Variants in PTPRN2 observed in about 807,000 individuals in gnomAD.
PTPRN2 encodes protein tyrosine phosphatase receptor type N2.
In PTPRN2, 74 loss-of-function variants were observed where a neutral mutation model predicts 118.8. That is an observed-to-expected ratio of 0.62 (90% CI 0.52 to 0.76). The LOEUF (loss-of-function observed/expected upper bound fraction) is 0.76, where lower values mean the gene tolerates loss of function less well. Ranked by LOEUF, PTPRN2 falls within the 30% of genes least tolerant of loss-of-function variation. The pLI, the probability that PTPRN2 is intolerant of heterozygous loss-of-function variation, is 0.00. For missense variants in PTPRN2, 1,481 were observed against 1,394.4 expected (o/e 1.06, Z -0.99); for synonymous variants, 641 against 608.0 (o/e 1.05, Z -0.80).
At chr7:158,582,876 C>T (rs1280168738) in intron 1 of PTPRN2, among the ~76,000 whole-genome samples, 2 of 150,784 alleles carry the variant, frequency 1.3e-5, no homozygotes, top group Non-Finnish European at 2.9e-5. Context: ...AGATATCTGT[C>T]ACCCAATGCC....
Position 157,763,156 on chromosome 7 carries a change from C to A in PTPRN2, c.1789-80219G>T, listed in dbSNP as rs887799792. ...CACAGGGTTAACCCTCCATCAGAGCCCATGGCTGCCCACTCACAGGCACAG... is the reference window on the plus strand; with the variant it reads ...CACAGGGTTAACCCTCCATCAGAGCACATGGCTGCCCACTCACAGGCACAG... On this transcript the variant is annotated intron_variant, in intron 12 of 22. Transcript: ENST00000389418. The surrounding 1 kb of genome is among the most constrained non-coding windows in gnomAD (Gnocchi z 4.9). 6.6e-6 allele frequency among the ~76,000 whole-genome samples: 1 copy of A among 152,250 alleles called. No individual in the cohort carries two copies. The highest frequency in any genetic ancestry group is 1.5e-5 in the Non-Finnish European group (1 of 68,054).
chr7:158,454,569 G>C (rs1818330193), intron 2 of PTPRN2, among the ~76,000 whole-genome samples: 1 of 148,728 alleles, frequency 6.7e-6, no homozygotes, highest in African/African-American at 2.5e-5. Flanking sequence ...TCACTGATGT[G>C]AGGATTGGGG....
At chr7:158,151,373 C>G (rs1324368093) in intron 6 of PTPRN2, among the ~76,000 whole-genome samples, 1 of 115,650 alleles carries the variant, frequency 8.6e-6, no homozygotes, top group African/African-American at 3.7e-5. Context: ...TCCTGCCTCT[C>G]CCTGCCCACA....
intron 14 of PTPRN2, among the ~76,000 whole-genome samples, chr7:157,653,489 GC>G (rs1805815162): frequency 6.6e-6 from 1 of 152,154 alleles, no homozygotes; most frequent in Non-Finnish European, 1.5e-5. Context: ...GCTTTCTACA[GC>G]CTGTGTGTGC....
chr7:157,912,613 G>GT (rs1337504064), intron 11 of PTPRN2, among the ~76,000 whole-genome samples: 1 of 152,084 alleles, frequency 6.6e-6, no homozygotes, highest in Non-Finnish European at 1.5e-5. Context: ...ATACAACTCT[G>GT]TTTTTTTCCT....
At chr7:158,552,737 G>A (rs73730408) in intron 1 of PTPRN2, among the ~76,000 whole-genome samples, 4,712 of 152,274 alleles carry the variant, frequency 0.031, 251 homozygotes, top group African/African-American at 0.11. Context: ...GTGAGACACC[G>A]TGCATGGCCC....
intron 1 of PTPRN2, among the ~76,000 whole-genome samples, chr7:158,556,175 T>C (rs940515471): frequency 2.0e-5 from 3 of 152,208 alleles, no homozygotes; most frequent in Non-Finnish European, 4.4e-5. Context: ...GGGTGATTGA[T>C]AGGTGGATAT....
chr7:158,318,470 A>G (rs903524675), intron 2 of PTPRN2, among the ~76,000 whole-genome samples: 4 of 152,190 alleles, frequency 2.6e-5, no homozygotes, highest in Non-Finnish European at 5.9e-5. Context: ...GGGGCCCCAG[A>G]GGAGGGAGTG....
intron 12 of PTPRN2, among the ~76,000 whole-genome samples, chr7:157,713,027 A>G (rs1207770925): frequency 3.3e-5 from 5 of 152,214 alleles, no homozygotes; most frequent in African/African-American, 1.2e-4. Context: ...CAGCTCACAC[A>G]TGGGCCACAC....
chr7:157,938,909 G>C (rs551635569), intron 11 of PTPRN2, among the ~76,000 whole-genome samples: 9 of 152,344 alleles, frequency 5.9e-5, no homozygotes, highest in African/African-American at 1.9e-4. Context: ...CAGTGCTGAA[G>C]TAAGGAGTGG....
At chr7:157,660,900 G>A (rs10228501) in intron 13 of PTPRN2, among the ~76,000 whole-genome samples, 54,652 of 152,088 alleles carry the variant, frequency 0.36, 10,833 homozygotes, top group Non-Finnish European at 0.46. Context: ...AATTATAGGC[G>A]TGCACCACCA....
chr7:157,690,506 C>G lies in PTPRN2; in HGVS notation c.1789-7569G>C, dbSNP rs1345893960. On this transcript the variant is annotated intron_variant, in intron 12 of 22. Coordinates refer to ENST00000389418, the MANE Select transcript of PTPRN2 (RefSeq NM_002847.5). This position sits in a 1 kb window ranked among gnomAD's most constrained non-coding sequence, Gnocchi z 7.1. Reference sequence around the variant, plus strand: ...TCTCTCGCCTCTTCCAGGGCCCACCCAACCGCACTACGAGCGCCCGCGCCC... The same window carrying G: ...TCTCTCGCCTCTTCCAGGGCCCACCGAACCGCACTACGAGCGCCCGCGCCC... Among the ~76,000 whole-genome samples, 2 of 152,090 alleles carry G rather than the reference C, an allele frequency of 1.3e-5. No homozygotes were observed. The highest frequency in any genetic ancestry group is 2.4e-5 in the African/African-American group (1 of 41,436).
chr7:158,096,342 G>A (rs954056319), intron 10 of PTPRN2, among the ~76,000 whole-genome samples: 9 of 152,190 alleles, frequency 5.9e-5, no homozygotes, highest in African/African-American at 2.2e-4. Context: ...TCCTTGTGGG[G>A]AAACTGAGGC....
intron 11 of PTPRN2, among the ~76,000 whole-genome samples, chr7:158,056,447 A>G (rs999732864): frequency 6.6e-6 from 1 of 152,226 alleles, no homozygotes; most frequent in Non-Finnish European, 1.5e-5. Flanking sequence ...TGGGAAAAAC[A>G]CATTTGTAAA....
chr7:158,183,788 G>A (rs1346100730), intron 5 of PTPRN2, among the ~76,000 whole-genome samples: 4 of 152,112 alleles, frequency 2.6e-5, no homozygotes, highest in African/African-American at 7.2e-5. Flanking sequence ...CACAGTGTAG[G>A]CTGCAGCCTG....
At position 157,991,895 on chromosome 7, in the gene PTPRN2, A is replaced by AAAAAGGCTCCCAGCATCGGTCAC. The variant is rs879398262; in HGVS notation, c.1723+89380_1723+89402dup. Among the ~76,000 whole-genome samples the AAAAAGGCTCCCAGCATCGGTCAC allele has an allele frequency of 1.0e-3, 157 of 151,562 alleles. 1 individual carries two copies. The highest frequency in any genetic ancestry group is 2.9e-3 in the Admixed American group (45 of 15,286). ...TGAGATCAGACCCTCCCGGGGCTCAAAAAAGGCTCCCAGCATCGGTCACAG... is the reference window on the plus strand; with the variant it reads ...TGAGATCAGACCCTCCCGGGGCTCAAAAAAGGCTCCCAGCATCGGTCACAAAAGGCTCCCAGCATCGGTCACAG... On this transcript the variant is annotated intron_variant, in intron 11 of 22. Coordinates refer to ENST00000389418, the MANE Select transcript of PTPRN2 (RefSeq NM_002847.5).
rs550504546 is a variant in PTPRN2, at chr7:158,556,159, A to G, written c.112+31399T>C. Among the ~76,000 whole-genome samples the G allele has an allele frequency of 1.2e-4, 19 of 152,356 alleles. No homozygotes were observed. In the South Asian group the frequency reaches 2.3e-3, roughly 18 times the overall value. On this transcript the variant is annotated intron_variant, in intron 1 of 22. Transcript: ENST00000389418. ...TGATAGATAATGATAGAGGATAGATATAGATGGGTGATTGATAGGTGGATA... is the reference window on the plus strand; with the variant it reads ...TGATAGATAATGATAGAGGATAGATGTAGATGGGTGATTGATAGGTGGATA...
rs536361609 is a variant in PTPRN2, at chr7:157,752,884, C to T, written c.1789-69947G>A. Among the ~76,000 whole-genome samples, 629 of 152,368 alleles carry T rather than the reference C, an allele frequency of 4.1e-3. 7 individuals are homozygous for T. Among genetic ancestry groups the T allele is most frequent in the Non-Finnish European group, 7.3e-4 (50 of 68,036 alleles). On this transcript the variant is annotated intron_variant, in intron 12 of 22. Coordinates refer to ENST00000389418, the MANE Select transcript of PTPRN2 (RefSeq NM_002847.5). The stretch of plus-strand genomic sequence containing the variant: ...GGACAGACCCTCGCAGCAGCCACGC[C>T]GCCTTTCAGAAGGGTTCAGGGCTTA...
intron 11 of PTPRN2, among the ~76,000 whole-genome samples, chr7:157,992,534 A>G (rs1162218902): frequency 6.6e-6 from 1 of 152,270 alleles, no homozygotes; most frequent in Non-Finnish European, 1.5e-5. Flanking sequence ...TTTTAATAAC[A>G]CATTAGAATA....
Sources: allele counts gnomAD v4.1 joint callset (sites outside exome capture counted in the v4.1 genomes callset), GRCh38; gene constraint gnomAD v4.1.1; non-coding constraint Gnocchi (gnomAD v3.1); transcripts MANE v1.5; gene names NCBI Gene and HGNC (gene_info 2026-07-23, HGNC 2026-07-21).